Variants in CNTN1 observed in about 807,000 individuals in gnomAD.
The protein encoded by CNTN1 is contactin 1.
Under a neutral mutation model 126.4 loss-of-function variants are expected in CNTN1, and 38 were observed. That is an observed-to-expected ratio of 0.30 (90% CI 0.23 to 0.39). CNTN1 has a LOEUF of 0.39. CNTN1 is among the 10% of genes least tolerant of loss of function. The pLI is 1.00. For synonymous variants in CNTN1, 413 were observed against 422.6 expected, an observed-to-expected ratio of 0.98 and a Z score of 0.28; for missense variants, 1,009 against 1,248.4, an observed-to-expected ratio of 0.81 and a Z score of 2.89.
At chr12:40,887,489 G>A (rs1387460421) in intron 1 of CNTN1, among the ~76,000 whole-genome samples, 10 of 152,100 alleles carry the variant, frequency 6.6e-5, no homozygotes, top group African/African-American at 2.4e-4. Context: ...ATTTAGAATG[G>A]CGATCATTAA....
At chr12:40,843,199 G>A (rs1167830674) in intron 1 of CNTN1, among the ~76,000 whole-genome samples, 1 of 152,102 alleles carries the variant, frequency 6.6e-6, no homozygotes, top group Non-Finnish European at 1.5e-5. Context: ...CTACCAGTAA[G>A]TATGTTTTTG....
intron 16 of CNTN1, among the ~76,000 whole-genome samples, chr12:40,985,063 T>C (rs1476536814): frequency 6.6e-6 from 1 of 152,116 alleles, no homozygotes; most frequent in East Asian, 1.9e-4. Flanking sequence ...AATTTTTTTT[T>C]GTAAGATAAG....
chr12:40,830,546 C>A (rs1941774254), intron 1 of CNTN1, among the ~76,000 whole-genome samples: 1 of 150,980 alleles, frequency 6.6e-6, no homozygotes, highest in South Asian at 2.1e-4. Context: ...GACTCAAAAT[C>A]AATGTATAAA....
intron 1 of CNTN1, among the ~76,000 whole-genome samples, chr12:40,780,632 C>T (rs1268564775): frequency 7.0e-6 from 1 of 143,690 alleles, no homozygotes; most frequent in Non-Finnish European, 1.5e-5. Context: ...GGAGGGATCA[C>T]TTGAGGACAG....
intron 1 of CNTN1, among the ~76,000 whole-genome samples, chr12:40,830,942 T>C (rs866725514): frequency 5.3e-5 from 5 of 94,056 alleles, no homozygotes; most frequent in Non-Finnish European, 9.8e-5. Context: ...TATACATATA[T>C]ATATATATAT....
chr12:40,733,100 A>C (rs1159609993), intron 1 of CNTN1, among the ~76,000 whole-genome samples: 1 of 152,044 alleles, frequency 6.6e-6, no homozygotes. Context: ...CTGAGTGGAG[A>C]CAGGTAAACC....
At chr12:40,873,895 G>T (rs975054330) in intron 1 of CNTN1, among the ~76,000 whole-genome samples, 4 of 151,936 alleles carry the variant, frequency 2.6e-5, no homozygotes, top group African/African-American at 9.7e-5. Flanking sequence ...GCTGTGTACT[G>T]GGCCCTTTAG....
intron 15 of CNTN1, chr12:40,971,726 T>G: frequency 7.5e-7 from 1 of 1,329,310 alleles, no homozygotes; most frequent in Middle Eastern, 2.9e-4. Context: ...TAAAAATGCC[T>G]AGTGAACTAA....
intron 16 of CNTN1, among the ~76,000 whole-genome samples, chr12:40,988,376 C>T (rs1289980733): frequency 3.3e-5 from 5 of 152,156 alleles, no homozygotes; most frequent in African/African-American, 1.2e-4. Context: ...CCAGGACTCA[C>T]TCAGGTAACT....
chr12:40,882,305 G>T (rs1250974129), intron 1 of CNTN1, among the ~76,000 whole-genome samples: 4 of 151,714 alleles, frequency 2.6e-5, no homozygotes, highest in Non-Finnish European at 4.4e-5. Context: ...TGATTATTTA[G>T]ACATGGGTTA....
intron 23 of CNTN1, among the ~76,000 whole-genome samples, chr12:41,050,321 T>A (rs1949643458): frequency 6.6e-6 from 1 of 152,002 alleles, no homozygotes; most frequent in Non-Finnish European, 1.5e-5. Context: ...AGAAAAGAGG[T>A]TTAATTGACT....
At chr12:40,952,904 A>G (rs1288789044) in intron 14 of CNTN1, among the ~76,000 whole-genome samples, 1 of 152,156 alleles carries the variant, frequency 6.6e-6, no homozygotes, top group Non-Finnish European at 1.5e-5. Context: ...TCTTTAAAGG[A>G]TGCACTTCTT....
At chr12:40,891,234 T>G (rs1379287518) in intron 1 of CNTN1, among the ~76,000 whole-genome samples, 1 of 152,162 alleles carries the variant, frequency 6.6e-6, no homozygotes, top group Non-Finnish European at 1.5e-5. Flanking sequence ...TATTTTTAAG[T>G]TTTAAGAATT....
intron 23 of CNTN1, among the ~76,000 whole-genome samples, chr12:41,041,596 T>C (rs1949411459): frequency 1.3e-5 from 2 of 152,188 alleles, no homozygotes; most frequent in South Asian, 4.1e-4. Flanking sequence ...TTTCAGAGCC[T>C]GTTATTGGTC....
intron 23 of CNTN1, chr12:41,061,821 A>G (rs187323501): frequency 2.9e-5 from 13 of 455,796 alleles, no homozygotes; most frequent in African/African-American, 2.2e-4. Context: ...CATCAGAACC[A>G]TGTCTTGAGC....
chr12:40,851,545 T>A (rs2136617707), intron 1 of CNTN1, among the ~76,000 whole-genome samples: 1 of 152,346 alleles, frequency 6.6e-6, no homozygotes, highest in South Asian at 2.1e-4. Flanking sequence ...GAGAATTATA[T>A]GCTCATTTTT....
intron 1 of CNTN1, among the ~76,000 whole-genome samples, chr12:40,904,082 G>T (rs951578316): frequency 2.0e-5 from 3 of 152,006 alleles, no homozygotes; most frequent in Non-Finnish European, 4.4e-5. Context: ...GCAGTGGCGC[G>T]ATCTCGGCTC....
At chr12:40,766,424 C>G (rs917084510) in intron 1 of CNTN1, among the ~76,000 whole-genome samples, 1 of 151,100 alleles carries the variant, frequency 6.6e-6, no homozygotes, top group African/African-American at 2.4e-5. Context: ...AGAATGTGCT[C>G]TAAAGGCTCA....
intron 1 of CNTN1, among the ~76,000 whole-genome samples, chr12:40,726,923 TAAA>T (rs35647650): frequency 0.043 from 6,517 of 150,670 alleles, 278 homozygotes; most frequent in African/African-American, 0.12. Flanking sequence ...AACATTATAA[TAAA>T]ATTAATTATG....
Sources: allele counts gnomAD v4.1 joint callset (sites outside exome capture counted in the v4.1 genomes callset), GRCh38; gene constraint gnomAD v4.1.1; transcripts MANE v1.5; gene names NCBI Gene and HGNC (gene_info 2026-07-23, HGNC 2026-07-21).